Variants in C20orf96 observed in about 807,000 individuals in gnomAD.
C20orf96 encodes chromosome 20 open reading frame 96.
Under a neutral mutation model 52.6 loss-of-function variants are expected in C20orf96, and 57 were observed. The observed-to-expected ratio is 1.08, with a 90% CI of 0.88 to 1.35. C20orf96 has a LOEUF of 1.35. C20orf96 is among the 40% of genes most tolerant of loss of function. The pLI is 0.00. For missense variants in C20orf96, 478 were observed against 443.6 expected (o/e 1.08, Z -0.70); for synonymous variants, 168 against 157.2 (o/e 1.07, Z -0.51).
intron 10 of C20orf96, among the ~76,000 whole-genome samples, chr20:273,895 A>AGGGAGGGAGGG (rs1568489051): frequency 1.6e-5 from 1 of 63,886 alleles, no homozygotes; most frequent in African/African-American, 9.0e-5. Flanking sequence ...GGAAGGAAGA[A>AGGGAGGGAGGG]AGGAAGGAAG....
chr20:279,358 C>G, intron 4 of C20orf96, 28 bp from the exon 5 acceptor site: 2 of 1,593,004 alleles, frequency 1.3e-6, no homozygotes, highest in Non-Finnish European at 8.5e-7. Context: ...AGCAGAGAGG[C>G]GGCGCTGCGC....
chr20:280,050 G>A (rs1188744419), intron 4 of C20orf96, among the ~76,000 whole-genome samples: 1 of 152,136 alleles, frequency 6.6e-6, no homozygotes, highest in African/African-American at 2.4e-5. Flanking sequence ...AGAAGCAGGG[G>A]AGGCAAAATG....
At chr20:274,002 GAAAGAA>G (rs2011933013) in intron 10 of C20orf96, among the ~76,000 whole-genome samples, 1 of 142,704 alleles carries the variant, frequency 7.0e-6, no homozygotes, top group Non-Finnish European at 1.5e-5. Context: ...GAGAAAGAAA[GAAAGAA>G]AAAGAAAAGA....
intron 3 of C20orf96, among the ~76,000 whole-genome samples, chr20:287,440 G>A (rs1424941205): frequency 6.6e-6 from 1 of 152,094 alleles, no homozygotes; most frequent in East Asian, 1.9e-4. Context: ...TTTTTAATGT[G>A]CTTATCTGAC....
chr20:279,335 G>A lies in C20orf96; in HGVS notation c.307-5C>T, dbSNP rs757884743. 8 of 1,601,278 alleles carry A rather than the reference G, an allele frequency of 5.0e-6. No individual in the cohort carries two copies. The highest frequency in any genetic ancestry group is 1.3e-5 in the African/African-American group (1 of 74,736). On this transcript the variant is annotated splice_polypyrimidine_tract_variant and splice_region_variant and intron_variant, in intron 4 of 10. Transcript: ENST00000360321. ...CCTCCCGCTCCTGAGCGAGGTCTGC[G>A]GGCGGAGGGAAGAGCAGAGAGGCGG...
chr20:278,470 G>T, intron 5 of C20orf96, 41 bp from the exon 6 acceptor site: 1 of 1,512,384 alleles, frequency 6.6e-7, no homozygotes, highest in Non-Finnish European at 9.2e-7. Flanking sequence ...AGGCTCTGCT[G>T]GCTCTCAGAG....
At chr20:281,098 G>C (rs913957056) in intron 4 of C20orf96, among the ~76,000 whole-genome samples, 1 of 152,180 alleles carries the variant, frequency 6.6e-6, no homozygotes, top group Admixed American at 6.5e-5. Flanking sequence ...CGAGGCTGCA[G>C]TAAGTCAAGA....
intron 4 of C20orf96, among the ~76,000 whole-genome samples, chr20:280,083 G>T (rs73891907): frequency 0.11 from 16,982 of 152,074 alleles, 1,675 homozygotes; most frequent in African/African-American, 0.26. Flanking sequence ...CAGCATTTCC[G>T]GGCAGGCCGC....
At position 278,817 on chromosome 20, in the gene C20orf96, T is replaced by G. The variant is rs78584859; in HGVS notation, c.465+355A>C. ...CGCGCTGGGATGAAACCCATCTCGG[T>G]CCTCTTGCAAAGCCCAGGTGAGGGG... On this transcript the variant is annotated intron_variant, in intron 5 of 10. Transcript: ENST00000360321. Among the ~76,000 whole-genome samples the G allele has an allele frequency of 5.7e-3, 816 of 142,604 alleles. 5 individuals are homozygous for G. The highest frequency in any genetic ancestry group is 0.022 in the East Asian group (104 of 4,730). 93.6% of individuals were successfully genotyped at this position (142,604 alleles called of 152,430 possible).
rs139432390 is a variant in C20orf96, at chr20:276,996, G to A, written c.825+48C>T. 188 of 1,592,858 alleles carry A rather than the reference G, an allele frequency of 1.2e-4. 2 individuals carry two copies. The East Asian group carries it at 4.0e-3, about 34-fold the overall frequency. On this transcript the variant is annotated intron_variant, in intron 8 of 10. Transcript: ENST00000360321. ...CAGAGGATGGGGAAGAGGGCGGGGT[G>A]GGGGTGAGACCTGGATCCCCGCTCC... is the stretch of plus-strand genomic sequence containing the variant.
intron 10 of C20orf96, among the ~76,000 whole-genome samples, chr20:273,082 C>G (rs1283032443): frequency 1.3e-5 from 2 of 152,214 alleles, no homozygotes; most frequent in African/African-American, 2.4e-5. Flanking sequence ...TCAAGCAATC[C>G]TCCTGCCTTA....
Position 271,214 on chromosome 20 carries a change from G to C in C20orf96, c.1085C>G (p.Pro362Arg), listed in dbSNP as rs1288348557. 6.4e-7 allele frequency: 1 copy of C among 1,555,192 alleles called. No homozygotes were observed. The highest frequency in any genetic ancestry group is 8.7e-7 in the Non-Finnish European group (1 of 1,148,942). The change falls in exon 11 of 11, where the codon CCC becomes CGC. Residue 362 changes from proline to arginine, a missense_variant. Pro to Arg is a moderately radical substitution (Grantham distance 103). Transcript: ENST00000360321. ...GGCCCATGGCACTGCCATCTAGAAG[G>C]GTAGTGGCTCTTCCACAGGAATGTT... ...ILNIPVEEPL[P>R]F
At chr20:276,588 T>C (rs989278261) in intron 9 of C20orf96, 57 of 985,404 alleles carry the variant, frequency 5.8e-5, no homozygotes, top group Admixed American at 3.1e-4. Context: ...TGCTGGCTAA[T>C]GAGGCAAGGC....
At chr20:289,509 C>T (rs2012480789) in intron 3 of C20orf96, 50 bp downstream of exon 3, 2 of 1,280,104 alleles carry the variant, frequency 1.6e-6, no homozygotes, top group Non-Finnish European at 2.3e-6. Flanking sequence ...AAAGCAGCCA[C>T]TCTATCCTGT....
chr20:273,992 GAGAA>G (rs147973320), intron 10 of C20orf96, among the ~76,000 whole-genome samples: 4,854 of 145,906 alleles, frequency 0.033, 154 homozygotes, highest in African/African-American at 0.085. Context: ...AAGACAGAGA[GAGAA>G]AGAAAGAAAG....
At chr20:278,209 G>T in intron 6 of C20orf96, 121 bp downstream of exon 6, 1 of 776,590 alleles carries the variant, frequency 1.3e-6, no homozygotes. Flanking sequence ...ATTCCCATCT[G>T]CCAAGAAGAG....
rs571813775 is a variant in C20orf96, at chr20:284,043, G to A, written c.226C>T (p.Gln76Ter). The A allele has an allele frequency of 7.4e-6, 12 of 1,614,160 alleles. No homozygotes were observed. The African/African-American group carries it at 1.3e-4, about 18-fold the overall frequency. The change falls in exon 4 of 11, where the codon CAG becomes TAG. Residue 76 changes from glutamine (Q) to a stop codon, truncating the protein, a stop_gained. Coordinates refer to ENST00000360321, the MANE Select transcript of C20orf96 (RefSeq NM_153269.3). LOFTEE classifies it high-confidence loss of function. ...TGTAGTTCTCTTGGATTCTTCGGCT[G>A]GCAGCTTGTCACCACCGTAGTGGGC... Reference protein sequence around the residue: ...FKPTTVVTSCQPKNPRELHRR... With the variant: ...FKPTTVVTSC
intron 4 of C20orf96, among the ~76,000 whole-genome samples, chr20:282,646 A>G (rs1336199731): frequency 1.3e-5 from 2 of 152,192 alleles, no homozygotes; most frequent in Non-Finnish European, 2.9e-5. Context: ...CAAGGCGGGC[A>G]GATCACCTAA....
chr20:289,408 G>A (rs2012477947), intron 3 of C20orf96, 151 bp downstream of exon 3: 4 of 627,454 alleles, frequency 6.4e-6, no homozygotes, highest in Admixed American at 5.1e-5. Flanking sequence ...GCATAAATGA[G>A]ATATAAACTT....
Sources: gnomAD v4.1 joint callset for allele counts (sites outside exome capture counted in the v4.1 genomes callset) on GRCh38, gnomAD v4.1.1 for gene constraint, MANE v1.5 for transcripts, NCBI Gene and HGNC (gene_info 2026-07-23, HGNC 2026-07-21) for gene names.